FAM53B: variants seen among roughly 807,000 people sequenced by gnomAD.
FAM53B encodes family with sequence similarity 53 member B, also known as protein FAM53B.
FAM53B carries 12 observed loss-of-function variants against 32.7 expected under a neutral mutation model. That is an observed-to-expected ratio of 0.37 (90% CI 0.24 to 0.59). The LOEUF is 0.59. Ranked by LOEUF, FAM53B falls within the 20% of genes least tolerant of loss-of-function variation. The pLI is 0.72. For missense variants in FAM53B, 477 were observed against 577.7 expected (o/e 0.83, Z 1.79); for synonymous variants, 234 against 228.7 (o/e 1.02, Z -0.21).
intron 4 of FAM53B, among the ~76,000 whole-genome samples, chr10:124,625,208 G>A (rs983356962): frequency 7.2e-5 from 11 of 152,250 alleles, no homozygotes; most frequent in African/African-American, 2.7e-4. Flanking sequence ...CTCTCTGGAG[G>A]AAGGTATATG....
chr10:124,650,891 A>AC (rs1211485387), intron 4 of FAM53B, among the ~76,000 whole-genome samples: 1 of 151,612 alleles, frequency 6.6e-6, no homozygotes, highest in African/African-American at 2.4e-5. Flanking sequence ...AAACTCTGAA[A>AC]CCCCCCTCTT....
At chr10:124,728,378 G>T (rs2134099969) in intron 1 of FAM53B, among the ~76,000 whole-genome samples, 1 of 152,340 alleles carries the variant, frequency 6.6e-6, no homozygotes, top group African/African-American at 2.4e-5. Context: ...GGCATTATCT[G>T]AAGTACAGCA....
At chr10:124,632,121 G>A (rs1006913298) in intron 4 of FAM53B, among the ~76,000 whole-genome samples, 3 of 152,220 alleles carry the variant, frequency 2.0e-5, no homozygotes, top group African/African-American at 7.2e-5. Context: ...TCCTCTGAAT[G>A]GTGGCCAACC....
intron 1 of FAM53B, among the ~76,000 whole-genome samples, chr10:124,721,267 C>T (rs1950067055): frequency 6.6e-6 from 1 of 152,254 alleles, no homozygotes; most frequent in Admixed American, 6.5e-5. Context: ...ACCCTGCAGT[C>T]TCTCCCTCCC....
At chr10:124,736,678 G>C (rs981124883) in intron 1 of FAM53B, among the ~76,000 whole-genome samples, 1 of 152,258 alleles carries the variant, frequency 6.6e-6, no homozygotes, top group Non-Finnish European at 1.5e-5. Context: ...CTGGGAGGGA[G>C]GGTGGCCTCC....
intron 4 of FAM53B, among the ~76,000 whole-genome samples, chr10:124,673,525 A>G (rs146890634): frequency 1.3e-5 from 2 of 152,292 alleles, no homozygotes; most frequent in African/African-American, 4.8e-5. Flanking sequence ...GGGAAGTTTC[A>G]TTGGCAGGCG....
In FAM53B at chr10:124,632,188, C is replaced by G. The variant is rs547858283; in HGVS notation, c.907-8584G>C. Among the ~76,000 whole-genome samples the G allele has an allele frequency of 4.6e-5, 7 of 152,352 alleles. No individual in the cohort carries two copies. The South Asian group carries it at 1.5e-3, about 32-fold the overall frequency. On this transcript the variant is annotated intron_variant, in intron 4 of 4. Coordinates refer to ENST00000337318, the MANE Select transcript of FAM53B (RefSeq NM_014661.4). ...CCACACGGTGGCGACGTTTCTGCAC[C>G]AGGCCCCAGATGGCAGATGGCCTGC...
chr10:124,706,537 G>A, intron 2 of FAM53B, 99 bp downstream of exon 2: 1 of 1,484,876 alleles, frequency 6.7e-7, no homozygotes, highest in South Asian at 1.1e-5. Flanking sequence ...GGGGACTCTG[G>A]ACTCGATTTG....
intron 1 of FAM53B, among the ~76,000 whole-genome samples, chr10:124,720,984 G>A (rs1254625088): frequency 1.3e-5 from 2 of 152,188 alleles, no homozygotes; most frequent in Non-Finnish European, 2.9e-5. Flanking sequence ...CGGATGGCTT[G>A]AGCTCAGGAG....
chr10:124,623,296 G>A lies in FAM53B; in HGVS notation c.1215C>T (p.Asn405=). ...ACTCGCCGTCCAGGGAGCAGAGGCT[G>A]TTCCCAGGGGCCCCGCGGTCCCGCC... ...AAWRDRGAPG[N]SLCSLDGELD... is the part of the protein sequence containing the mutation. Residue 405 remains asparagine (N), a synonymous_variant, in exon 5 of 5, where the codon AAC becomes AAT. Coordinates refer to ENST00000337318, the MANE Select transcript of FAM53B (RefSeq NM_014661.4). 2 of 1,612,272 alleles carry A rather than the reference G, an allele frequency of 1.2e-6. No individual in the cohort carries two copies. Among genetic ancestry groups the A allele is most frequent in the Non-Finnish European group, 1.7e-6 (2 of 1,179,666 alleles).
chr10:124,659,974 T>C (rs1949618538), intron 4 of FAM53B, among the ~76,000 whole-genome samples: 1 of 152,222 alleles, frequency 6.6e-6, no homozygotes, highest in Non-Finnish European at 1.5e-5. Flanking sequence ...GCCCAGCTAA[T>C]TTTTGTATTT....
chr10:124,734,053 C>T (rs797016940), intron 1 of FAM53B, among the ~76,000 whole-genome samples: 2 of 152,330 alleles, frequency 1.3e-5, no homozygotes, highest in African/African-American at 4.8e-5. Context: ...AGCTGTCACC[C>T]CCTCCAGGAA....
chr10:124,659,968 A>G (rs946033465), intron 4 of FAM53B, among the ~76,000 whole-genome samples: 5 of 152,172 alleles, frequency 3.3e-5, no homozygotes, highest in African/African-American at 1.2e-4. Flanking sequence ...CACCATGCCC[A>G]GCTAATTTTT....
chr10:124,730,099 G>A (rs1387101214), intron 1 of FAM53B, among the ~76,000 whole-genome samples: 1 of 152,248 alleles, frequency 6.6e-6, no homozygotes, highest in Non-Finnish European at 1.5e-5. Context: ...ATGCCACACA[G>A]TAGCCATCAT....
Position 124,739,122 on chromosome 10 carries a change from T to C in FAM53B, c.-175+4891A>G, listed in dbSNP as rs150330595. ...GAGGGGAAAAGGCAGTTAAAAGTTC[T>C]AGGTTTCTCTGTGGTGTTAACAAGA... is the stretch of plus-strand genomic sequence containing the variant. On this transcript the variant is annotated intron_variant, in intron 1 of 4. Transcript: ENST00000337318. Among the ~76,000 whole-genome samples the C allele has an allele frequency of 6.5e-4, 99 of 151,438 alleles. 2 individuals carry two copies. In the East Asian group the frequency reaches 0.018, roughly 28 times the overall value.
intron 4 of FAM53B, among the ~76,000 whole-genome samples, chr10:124,671,943 G>C (rs1949709459): frequency 6.6e-6 from 1 of 152,224 alleles, no homozygotes; most frequent in Non-Finnish European, 1.5e-5. Context: ...CTGCAGCAAA[G>C]GGTTTGTTCT....
intron 1 of FAM53B, among the ~76,000 whole-genome samples, chr10:124,743,428 G>A (rs1240466132): frequency 6.6e-6 from 1 of 151,710 alleles, no homozygotes; most frequent in Non-Finnish European, 1.5e-5. Context: ...GGCTTCCCCC[G>A]CCCGGGACAG....
chr10:124,710,524 G>A (rs771276793), intron 1 of FAM53B, among the ~76,000 whole-genome samples: 5 of 152,298 alleles, frequency 3.3e-5, no homozygotes, highest in Non-Finnish European at 7.3e-5. Context: ...GGACCAGGCC[G>A]GAGACTTCGA....
At chr10:124,727,634 C>T (rs990831928) in intron 1 of FAM53B, among the ~76,000 whole-genome samples, 12 of 152,028 alleles carry the variant, frequency 7.9e-5, no homozygotes, top group African/African-American at 2.7e-4. Flanking sequence ...ACCTGGAGAG[C>T]CAGAAAATCT....
Sources: allele counts gnomAD v4.1 joint callset (sites outside exome capture counted in the v4.1 genomes callset), GRCh38; gene constraint gnomAD v4.1.1; transcripts MANE v1.5; gene names NCBI Gene and HGNC (gene_info 2026-07-23, HGNC 2026-07-21).